The following KCNQ4 variants were observed in gnomAD, a reference collection of about 807,000 sequenced individuals.
KCNQ4 encodes the protein potassium voltage-gated channel subfamily Q member 4, also known as potassium voltage-gated channel subfamily KQT member 4.
In KCNQ4, 31 loss-of-function variants were observed where a neutral mutation model predicts 72.6. The ratio of observed to expected loss-of-function variants is 0.43; its 90% CI spans 0.32 to 0.58. The LOEUF is 0.58. Ranked by LOEUF, KCNQ4 falls within the 20% of genes least tolerant of loss-of-function variation. The pLI is 0.08. For synonymous variants in KCNQ4, 405 were observed against 403.7 expected (o/e 1.00, Z -0.04); for missense variants, 869 against 962.6 (o/e 0.90, Z 1.29).
chr1:40,803,854 C>T (rs911583828), intron 1 of KCNQ4, among the ~76,000 whole-genome samples: 1 of 152,178 alleles, frequency 6.6e-6, no homozygotes, highest in African/African-American at 2.4e-5. Flanking sequence ...ATTGTGTCCC[C>T]AAACCACCCA....
At position 40,784,283 on chromosome 1, in the gene KCNQ4, G is replaced by T; in HGVS notation, c.190G>T (p.Gly64Cys). Residue 64 changes from glycine to cysteine, a missense_variant, in exon 1 of 14, where the codon GGC (glycine) becomes TGC (cysteine). By Grantham distance (159) the Gly-to-Cys change is radical. Transcript: ENST00000347132. The surrounding 1 kb of genome is among the most constrained non-coding windows in gnomAD (Gnocchi z 4.1). ...PGAPLPGPGS[G>C]SGSACGQRSS... ...CGCGCCCCTCCCTGGGCCGGGCTCC[G>T]GCTCGGGCTCCGCCTGCGGCCAGCG... The T allele has an allele frequency of 6.4e-7, 1 of 1,559,044 alleles. No homozygotes were observed. The highest frequency in any genetic ancestry group is 8.6e-7 in the Non-Finnish European group (1 of 1,158,906).
At chr1:40,813,428 A>T (rs2148313831) in intron 1 of KCNQ4, among the ~76,000 whole-genome samples, 1 of 152,180 alleles carries the variant, frequency 6.6e-6, no homozygotes, top group East Asian at 1.9e-4. Flanking sequence ...GAGCCAATGG[A>T]ATTTGCTCAG....
intron 1 of KCNQ4, chr1:40,805,202 G>GATT (rs964555438): frequency 1.3e-5 from 2 of 152,080 alleles, no homozygotes; most frequent in African/African-American, 4.8e-5. Flanking sequence ...CTCTTGCCAG[G>GATT]ATTATACTTT....
At chr1:40,808,688 C>T (rs961465863) in intron 1 of KCNQ4, among the ~76,000 whole-genome samples, 1 of 152,222 alleles carries the variant, frequency 6.6e-6, no homozygotes, top group Non-Finnish European at 1.5e-5. Flanking sequence ...CTACTCCACA[C>T]CAGCTCCTCC....
At chr1:40,787,030 G>A (rs911411743) in intron 1 of KCNQ4, among the ~76,000 whole-genome samples, 11 of 152,114 alleles carry the variant, frequency 7.2e-5, no homozygotes, top group African/African-American at 2.7e-4. Flanking sequence ...AGTACTGTTA[G>A]CTAGGACCCC....
chr1:40,825,152 C>T (rs1648438316), intron 9 of KCNQ4, among the ~76,000 whole-genome samples: 3 of 152,198 alleles, frequency 2.0e-5, no homozygotes, highest in Admixed American at 6.5e-5. Context: ...CTTTTTCCCT[C>T]GTCCTTTACC....
In KCNQ4 at chr1:40,814,280, C is replaced by G. The variant is rs1037263376; in HGVS notation, c.315-2985C>G. 3.4e-5 allele frequency among the ~76,000 whole-genome samples: 5 copies of G among 148,400 alleles called. No homozygotes were observed. The East Asian group carries it at 6.1e-4, about 18-fold the overall frequency. On this transcript the variant is annotated intron_variant, in intron 1 of 13. Transcript: ENST00000347132. The stretch of plus-strand genomic sequence containing the variant: ...TGTTGGCCAGGCTGGTCTGTAACTC[C>G]TGACCTCAGGCTATCCACCCACCTC...
In KCNQ4 at chr1:40,837,372, C is replaced by T. The variant is rs562372298; in HGVS notation, c.1746-293C>T. Among the ~76,000 whole-genome samples, 20 of 152,388 alleles carry T rather than the reference C, an allele frequency of 1.3e-4. No individual in the cohort carries two copies. In the East Asian group the frequency reaches 3.5e-3, roughly 26 times the overall value. On this transcript the variant is annotated intron_variant, in intron 12 of 13. Coordinates refer to ENST00000347132, the MANE Select transcript of KCNQ4 (RefSeq NM_004700.4). ...CCTCCCCAAATGCTGGGATTATAGG[C>T]ATGCGCCACTGCGCTGGGCCTCCTA...
intron 1 of KCNQ4, among the ~76,000 whole-genome samples, chr1:40,791,687 C>G (rs1436369219): frequency 2.0e-5 from 3 of 152,162 alleles, no homozygotes; most frequent in Non-Finnish European, 4.4e-5. Context: ...AGCAGGGTCT[C>G]TAGCCTAAAG....
chr1:40,789,198 C>T (rs1206506662), intron 1 of KCNQ4, among the ~76,000 whole-genome samples: 1 of 152,112 alleles, frequency 6.6e-6, no homozygotes, highest in Non-Finnish European at 1.5e-5. Flanking sequence ...TTTGCTCCTC[C>T]TGGGGGGTCC....
chr1:40,813,297 C>T (rs1487356044), intron 1 of KCNQ4, among the ~76,000 whole-genome samples: 3 of 152,098 alleles, frequency 2.0e-5, no homozygotes, highest in Non-Finnish European at 4.4e-5. Flanking sequence ...ACCCTGGCTG[C>T]GTTGAAGGGA....
chr1:40,821,762 A>AG (rs1278216174), intron 7 of KCNQ4, among the ~76,000 whole-genome samples: 1 of 152,224 alleles, frequency 6.6e-6, no homozygotes. Flanking sequence ...CTTGCAGTCT[A>AG]GGGGGAGAGA....
intron 9 of KCNQ4, among the ~76,000 whole-genome samples, chr1:40,828,486 C>T (rs773439192): frequency 2.6e-5 from 4 of 151,032 alleles, no homozygotes; most frequent in Non-Finnish European, 5.9e-5. Context: ...AGAACCACTG[C>T]TCTACACCCT....
intron 1 of KCNQ4, among the ~76,000 whole-genome samples, chr1:40,813,107 T>C (rs1647974472): frequency 2.0e-5 from 3 of 152,166 alleles, no homozygotes; most frequent in Non-Finnish European, 2.9e-5. Context: ...ATAAGTGGGG[T>C]GCAGTGAGCC....
intron 7 of KCNQ4, among the ~76,000 whole-genome samples, chr1:40,822,044 G>A (rs1467044592): frequency 6.6e-6 from 1 of 152,228 alleles, no homozygotes; most frequent in African/African-American, 2.4e-5. Context: ...GGAAACCCAT[G>A]TCTGCCTGAC....
At chr1:40,825,960 C>G (rs1433646084) in intron 9 of KCNQ4, among the ~76,000 whole-genome samples, 1 of 152,146 alleles carries the variant, frequency 6.6e-6, no homozygotes, top group East Asian at 1.9e-4. Flanking sequence ...ATCTATCTGC[C>G]TGGGAGGGGA....
intron 9 of KCNQ4, among the ~76,000 whole-genome samples, chr1:40,828,148 C>A (rs1371192026): frequency 6.6e-6 from 1 of 152,174 alleles, no homozygotes. Flanking sequence ...GTGAGAGTGG[C>A]CCTGGGAGGG....
rs562843839 is a variant in KCNQ4 at position 40,788,024 on chromosome 1, C to T, written c.314+3617C>T. Among the ~76,000 whole-genome samples the T allele has an allele frequency of 3.2e-4, 49 of 152,250 alleles. No homozygotes were observed. Among genetic ancestry groups the T allele is most frequent in the African/African-American group, 1.1e-3 (44 of 41,542 alleles). ...GTAAACATCCTCCCTCAGCCTTGTC[C>T]GTGGGGTCAGAAGCTGTGGGAATGG... is the stretch of plus-strand genomic sequence containing the variant. On this transcript the variant is annotated intron_variant, in intron 1 of 13. Coordinates refer to ENST00000347132, the MANE Select transcript of KCNQ4 (RefSeq NM_004700.4). The surrounding 1 kb of genome is among the most constrained non-coding windows in gnomAD (Gnocchi z 4.5).
chr1:40,789,360 TA>T (rs1647238215), intron 1 of KCNQ4, among the ~76,000 whole-genome samples: 1 of 152,188 alleles, frequency 6.6e-6, no homozygotes, highest in South Asian at 2.1e-4. Flanking sequence ...GGACTTTAGA[TA>T]ACAATTTTCC....
Sources: allele counts gnomAD v4.1 joint callset (sites outside exome capture counted in the v4.1 genomes callset), GRCh38; gene constraint gnomAD v4.1.1; non-coding constraint Gnocchi (gnomAD v3.1); transcripts MANE v1.5; gene names NCBI Gene and HGNC (gene_info 2026-07-23, HGNC 2026-07-21).